The following NCAM2 variants were observed in gnomAD, a reference collection of about 807,000 sequenced individuals.
NCAM2 encodes neural cell adhesion molecule 2, also known as N-CAM-2.
In NCAM2, 30 loss-of-function variants were observed where a neutral mutation model predicts 98.1. That is an observed-to-expected ratio of 0.31 (90% CI 0.23 to 0.41). The LOEUF (loss-of-function observed/expected upper bound fraction) is 0.41, where lower values mean the gene tolerates loss of function less well. Ranked by LOEUF, NCAM2 falls within the 10% of genes least tolerant of loss-of-function variation. NCAM2 has a pLI of 1.00. For synonymous variants in NCAM2, 368 were observed against 342.4 expected (o/e 1.07, Z -0.83); for missense variants, 867 against 1,005.8 (o/e 0.86, Z 1.87).
chr21:21,056,546 G>T (rs1274314930), intron 1 of NCAM2, among the ~76,000 whole-genome samples: 1 of 147,620 alleles, frequency 6.8e-6, no homozygotes, highest in Non-Finnish European at 1.5e-5. Context: ...GGGAGAGAGA[G>T]GAGAGAGAGA....
intron 8 of NCAM2, among the ~76,000 whole-genome samples, chr21:21,346,229 A>C (rs2075184973): frequency 6.7e-6 from 1 of 148,828 alleles, no homozygotes; most frequent in Admixed American, 6.7e-5. Context: ...AAAAAACAGG[A>C]GTCACTATAC....
At chr21:21,370,788 G>C (rs1056344216) in intron 8 of NCAM2, among the ~76,000 whole-genome samples, 5 of 151,806 alleles carry the variant, frequency 3.3e-5, no homozygotes, top group African/African-American at 1.2e-4. Flanking sequence ...GGAAATACTA[G>C]CCTCAGCCTC....
At chr21:21,161,123 T>C (rs1165472259) in intron 1 of NCAM2, among the ~76,000 whole-genome samples, 1 of 151,970 alleles carries the variant, frequency 6.6e-6, no homozygotes, top group Non-Finnish European at 1.5e-5. Context: ...TGTGAATTAA[T>C]TTAAACAAGA....
Position 21,284,180 on chromosome 21 carries a change from A to G in NCAM2, c.131-14A>G, listed in dbSNP as rs185948890. On this transcript the variant is annotated splice_polypyrimidine_tract_variant and intron_variant, in intron 2 of 17. Transcript: ENST00000400546. ...AACAATTTTCAAACCTTTATTTTCC[A>G]TGGCTCTTTGCAGCGATTGGTGAAC... The G allele has an allele frequency of 1.2e-4, 198 of 1,593,742 alleles. No individual in the cohort carries two copies. The highest frequency in any genetic ancestry group is 7.5e-4 in the Admixed American group (45 of 59,808).
At chr21:21,347,033 G>A (rs1296139880) in intron 8 of NCAM2, among the ~76,000 whole-genome samples, 2 of 151,298 alleles carry the variant, frequency 1.3e-5, no homozygotes, top group Non-Finnish European at 3.0e-5. Context: ...GAACAGAGCA[G>A]AAATAAATGA....
intron 15 of NCAM2, among the ~76,000 whole-genome samples, chr21:21,507,588 T>A (rs1002895061): frequency 2.0e-5 from 3 of 151,904 alleles, no homozygotes; most frequent in African/African-American, 7.3e-5. Flanking sequence ...GGTCAGGAGA[T>A]CGAGACCATC....
At chr21:21,064,871 T>C (rs963967326) in intron 1 of NCAM2, among the ~76,000 whole-genome samples, 2 of 152,096 alleles carry the variant, frequency 1.3e-5, no homozygotes, top group Non-Finnish European at 2.9e-5. Flanking sequence ...CTCATTTCTT[T>C]TCTAGGGTTA....
At chr21:21,523,836 A>G (rs1201727501) in intron 16 of NCAM2, among the ~76,000 whole-genome samples, 1 of 152,090 alleles carries the variant, frequency 6.6e-6, no homozygotes, top group African/African-American at 2.4e-5. Flanking sequence ...GCTCAATTGA[A>G]ATCGCCAAAG....
chr21:21,412,317 C>G (rs1157164982), intron 10 of NCAM2, among the ~76,000 whole-genome samples: 1 of 152,170 alleles, frequency 6.6e-6, no homozygotes, highest in African/African-American at 2.4e-5. Context: ...CTTATTACCT[C>G]GTTTAACCTT....
intron 17 of NCAM2, among the ~76,000 whole-genome samples, chr21:21,535,872 C>T (rs1035011826): frequency 6.6e-5 from 10 of 151,958 alleles, no homozygotes; most frequent in African/African-American, 2.4e-4. Flanking sequence ...CATATTTTAC[C>T]TATACGTAAG....
chr21:21,094,829 T>C (rs2066087337), intron 1 of NCAM2, among the ~76,000 whole-genome samples: 1 of 151,756 alleles, frequency 6.6e-6, no homozygotes, highest in Admixed American at 6.6e-5. Context: ...TTAAGAAAAT[T>C]TGAATTAAAC....
chr21:21,104,431 C>T (rs2066304508), intron 1 of NCAM2, among the ~76,000 whole-genome samples: 1 of 152,090 alleles, frequency 6.6e-6, no homozygotes, highest in African/African-American at 2.4e-5. Flanking sequence ...GATGCTAACA[C>T]ATCGATAACT....
chr21:21,379,848 A>AACTCACTCCATC (rs753769786), intron 9 of NCAM2, among the ~76,000 whole-genome samples: 20 of 151,972 alleles, frequency 1.3e-4, no homozygotes, highest in Non-Finnish European at 2.4e-4. Context: ...AAAGAGTATT[A>AACTCACTCCATC]ACTCACTCCA....
At chr21:21,289,472 A>C (rs2073216398) in intron 4 of NCAM2, among the ~76,000 whole-genome samples, 1 of 151,982 alleles carries the variant, frequency 6.6e-6, no homozygotes, top group Non-Finnish European at 1.5e-5. Flanking sequence ...AGGAGGAAAA[A>C]GTTACCTTTA....
At chr21:21,165,037 A>G (rs2067906284) in intron 1 of NCAM2, among the ~76,000 whole-genome samples, 1 of 152,202 alleles carries the variant, frequency 6.6e-6, no homozygotes, top group Non-Finnish European at 1.5e-5. Flanking sequence ...GTTTTACTCC[A>G]AAACAATCCT....
At chr21:21,536,959 C>A (rs760009788) in intron 17 of NCAM2, among the ~76,000 whole-genome samples, 1 of 151,928 alleles carries the variant, frequency 6.6e-6, no homozygotes, top group Non-Finnish European at 1.5e-5. Context: ...ACAAGAAAAA[C>A]AATGTGAAAA....
chr21:21,239,499 G>C (rs892347708), intron 1 of NCAM2: 1 of 152,138 alleles, frequency 6.6e-6, no homozygotes, highest in Non-Finnish European at 1.5e-5. Flanking sequence ...TTCAATGTTA[G>C]GGTGATATTA....
At chr21:21,256,908 T>G (rs771916979) in intron 1 of NCAM2, among the ~76,000 whole-genome samples, 6 of 152,166 alleles carry the variant, frequency 3.9e-5, no homozygotes, top group Non-Finnish European at 7.4e-5. Context: ...AACTCTAGAA[T>G]AGGAAGGATC....
chr21:21,401,806 T>C (rs1469871484), intron 9 of NCAM2, among the ~76,000 whole-genome samples: 1 of 152,170 alleles, frequency 6.6e-6, no homozygotes, highest in Non-Finnish European at 1.5e-5. Context: ...TTTGGACATA[T>C]ACTCACAAGT....
Sources: gnomAD v4.1 joint callset for allele counts (sites outside exome capture counted in the v4.1 genomes callset) on GRCh38, gnomAD v4.1.1 for gene constraint, MANE v1.5 for transcripts, NCBI Gene and HGNC (gene_info 2026-07-23, HGNC 2026-07-21) for gene names.